ABCA12: variants seen among roughly 807,000 people sequenced by gnomAD.
ABCA12 encodes ATP binding cassette subfamily A member 12.
In ABCA12, 156 loss-of-function variants were observed where a neutral mutation model predicts 293.5. That is an observed-to-expected ratio of 0.53 (90% CI 0.47 to 0.61). The LOEUF (loss-of-function observed/expected upper bound fraction) is 0.61, where lower values mean the gene tolerates loss of function less well. ABCA12 is among the 20% of genes least tolerant of loss of function. ABCA12 has a pLI of 0.00. For synonymous variants in ABCA12, 1,063 were observed against 1,108.0 expected, an observed-to-expected ratio of 0.96 and a Z score of 0.81; for missense variants, 2,797 against 3,090.2, an observed-to-expected ratio of 0.91 and a Z score of 2.25.
At chr2:215,047,734 G>A (rs1701231468) in intron 6 of ABCA12, among the ~76,000 whole-genome samples, 1 of 152,102 alleles carries the variant, frequency 6.6e-6, no homozygotes, top group African/African-American at 2.4e-5. Context: ...GACAGCCTAG[G>A]CAACACAATT....
intron 52 of ABCA12, among the ~76,000 whole-genome samples, 199 bp from the exon 53 acceptor site, chr2:214,932,940 G>A (rs1207830554): frequency 1.3e-5 from 2 of 151,934 alleles, no homozygotes; most frequent in Admixed American, 1.3e-4. Context: ...AATTTAACTG[G>A]GGCTTGAAAA....
intron 2 of ABCA12, chr2:215,075,463 G>A (rs1469259915): frequency 1.5e-6 from 1 of 655,608 alleles, no homozygotes. Context: ...TCAGACAGGA[G>A]CGAGAGTCAA....
chr2:215,013,865 T>G (rs749777707), intron 15 of ABCA12, among the ~76,000 whole-genome samples: 1 of 152,174 alleles, frequency 6.6e-6, no homozygotes, highest in African/African-American at 2.4e-5. Context: ...ACTAACATAC[T>G]AGTGGTGCAA....
At chr2:214,968,113 T>TA (rs1699306083) in intron 38 of ABCA12, among the ~76,000 whole-genome samples, 1 of 152,112 alleles carries the variant, frequency 6.6e-6, no homozygotes, top group Non-Finnish European at 1.5e-5. Flanking sequence ...GTGCAGGTAA[T>TA]AAAGTATAGT....
rs148936264 is a variant in ABCA12 at position 214,958,318 on chromosome 2, C to T, written c.6076G>A (p.Gly2026Ser). Residue 2026 changes from glycine (G) to serine (S), a missense_variant, in exon 41 of 53, where the codon GGC becomes AGC. Gly to Ser is a moderately conservative substitution (Grantham distance 56). This residue lies in a region of ABCA12 where 2,130 missense variants were observed against 2,427.0 expected (regional missense o/e 0.88). Transcript: ENST00000272895. ...TTTGTTACCCAGTAGCATGTCACGC[C>T]AATGCCTGAAATGTGCTGCAACTGT... ...AKQLQHISGI[G>S]VTCYWVTNFI... The T allele has an allele frequency of 8.9e-5, 144 of 1,613,890 alleles. No individual in the cohort carries two copies. Among genetic ancestry groups the T allele is most frequent in the Non-Finnish European group, 1.1e-4 (128 of 1,179,894 alleles).
At position 214,937,647 on chromosome 2, in the gene ABCA12, A is replaced by G. The variant is rs377516906; in HGVS notation, c.7437-32T>C. On this transcript the variant is annotated intron_variant, in intron 50 of 52. Coordinates refer to ENST00000272895, the MANE Select transcript of ABCA12 (RefSeq NM_173076.3). ...AGAAAAAGTGCAAAATATGATATGA[A>G]TTACATTTTGCTGAAATAGCTCCTC... is the stretch of plus-strand genomic sequence containing the variant. 7.5e-5 allele frequency: 116 copies of G among 1,553,838 alleles called. 1 individual carries two copies. The African/African-American group carries it at 1.3e-3, about 17-fold the overall frequency.
In ABCA12 at chr2:215,067,591, G is replaced by A. The variant is rs903693997; in HGVS notation, c.164-3372C>T. On this transcript the variant is annotated intron_variant, in intron 2 of 52. Coordinates refer to ENST00000272895, the MANE Select transcript of ABCA12 (RefSeq NM_173076.3). Reference sequence around the variant, plus strand: ...TATTGAAGAATCTGCCAATTTCATAGGGTCGAATTCAGAAGATGTCAGCAT... The same window carrying A: ...TATTGAAGAATCTGCCAATTTCATAAGGTCGAATTCAGAAGATGTCAGCAT... Among the ~76,000 whole-genome samples, 9 of 152,086 alleles carry A rather than the reference G, an allele frequency of 5.9e-5. No individual in the cohort carries two copies. In the East Asian group the frequency reaches 1.4e-3, roughly 23 times the overall value.
intron 2 of ABCA12, among the ~76,000 whole-genome samples, chr2:215,069,192 A>T (rs1387346764): frequency 4.8e-4 from 9 of 18,678 alleles, no homozygotes; most frequent in Admixed American, 1.4e-3. Flanking sequence ...CTGACTTTTA[A>T]AAAAAAAAAT....
intron 44 of ABCA12, 56 bp downstream of exon 44, chr2:214,953,798 T>C: frequency 6.3e-7 from 1 of 1,591,456 alleles, no homozygotes; most frequent in Non-Finnish European, 8.6e-7. Context: ...TCTTTCTCAA[T>C]AGGTTGAATT....
chr2:215,074,982 T>A (rs931040890), intron 2 of ABCA12, among the ~76,000 whole-genome samples: 33 of 151,962 alleles, frequency 2.2e-4, no homozygotes, highest in African/African-American at 8.0e-4. Context: ...TAAATAAATG[T>A]ACTGGGATAG....
At position 214,989,634 on chromosome 2, in the gene ABCA12, G is replaced by A; in HGVS notation, c.3625-13C>T. 6.2e-7 allele frequency: 1 copy of A among 1,613,512 alleles called. No homozygotes were observed. Among genetic ancestry groups the A allele is most frequent in the Non-Finnish European group, 8.5e-7 (1 of 1,179,686 alleles). ...GGGACAGCAGGCTCTGTGAAGAAAG[G>A]AAACGGCAATGATAGTTCTTGTAGA... On this transcript the variant is annotated splice_polypyrimidine_tract_variant and intron_variant, in intron 24 of 52. Coordinates refer to ENST00000272895, the MANE Select transcript of ABCA12 (RefSeq NM_173076.3).
At position 215,121,513 on chromosome 2, in the gene ABCA12, C is replaced by T. The variant is rs533577325; in HGVS notation, c.70-9823G>A. ...CAAGAGGATTCCAAGGTTTACATTGCGAAGTAAGAGCTTGGTACCTAAGAC... is the reference window on the plus strand; with the variant it reads ...CAAGAGGATTCCAAGGTTTACATTGTGAAGTAAGAGCTTGGTACCTAAGAC... On this transcript the variant is annotated intron_variant, in intron 1 of 52. Coordinates refer to ENST00000272895, the MANE Select transcript of ABCA12 (RefSeq NM_173076.3). Among the ~76,000 whole-genome samples, 11 of 152,218 alleles carry T rather than the reference C, an allele frequency of 7.2e-5. No individual in the cohort carries two copies. In the South Asian group the frequency reaches 8.3e-4, roughly 11 times the overall value.
chr2:215,085,030 GT>G (rs1375421200), intron 2 of ABCA12, among the ~76,000 whole-genome samples: 1 of 145,354 alleles, frequency 6.9e-6, no homozygotes, highest in East Asian at 2.1e-4. Flanking sequence ...GGAGGCAGAG[GT>G]TGCAGTGAGC....
chr2:215,010,534 A>G (rs1700348966), intron 17 of ABCA12, 64 bp from the exon 18 acceptor site: 1 of 1,550,190 alleles, frequency 6.5e-7, no homozygotes, highest in Non-Finnish European at 8.8e-7. Flanking sequence ...TCCACATGGC[A>G]AATTGACAGA....
intron 1 of ABCA12, among the ~76,000 whole-genome samples, chr2:215,128,738 C>A (rs1438534178): frequency 1.3e-5 from 2 of 152,120 alleles, no homozygotes; most frequent in Admixed American, 1.3e-4. Flanking sequence ...ATGGGCTTCA[C>A]CTTTCTCTGG....
intron 19 of ABCA12, among the ~76,000 whole-genome samples, chr2:215,005,799 G>C (rs1700241905): frequency 6.6e-6 from 1 of 152,174 alleles, no homozygotes; most frequent in South Asian, 2.1e-4. Context: ...ACTAATCCAT[G>C]CATGTAGCAA....
chr2:215,052,082 T>A (rs757721737), intron 5 of ABCA12, among the ~76,000 whole-genome samples: 1 of 152,138 alleles, frequency 6.6e-6, no homozygotes, highest in African/African-American at 2.4e-5. Flanking sequence ...TTTTCCTACT[T>A]TGGGGCAATA....
Position 215,007,792 on chromosome 2 carries a change from T to C in ABCA12, c.2527A>G (p.Met843Val). Residue 843 changes from methionine to valine, a missense_variant, in exon 19 of 53, where the codon ATG becomes GTG. Met to Val is a conservative substitution (Grantham distance 21). Coordinates refer to ENST00000272895, the MANE Select transcript of ABCA12 (RefSeq NM_173076.3). ...TTCATGAAAAGTGGCGACTTATCCATCCACTCTTGAGATTTTTCTCTTAAT... is the reference window on the plus strand; with the variant it reads ...TTCATGAAAAGTGGCGACTTATCCACCCACTCTTGAGATTTTTCTCTTAAT... ...AELREKSQEW[M>V]DKSPLFMNSF... 2 of 1,614,066 alleles carry C rather than the reference T, an allele frequency of 1.2e-6. No individual in the cohort carries two copies. Among genetic ancestry groups the C allele is most frequent in the South Asian group, 1.1e-5 (1 of 91,078 alleles).
chr2:215,093,853 C>G (rs1442054342), intron 2 of ABCA12, among the ~76,000 whole-genome samples: 1 of 152,178 alleles, frequency 6.6e-6, no homozygotes, highest in Admixed American at 6.5e-5. Context: ...CACCTGACCC[C>G]CATGACTGTA....
Sources: gnomAD v4.1 joint callset for allele counts (sites outside exome capture counted in the v4.1 genomes callset) on GRCh38, gnomAD v4.1.1 for gene constraint, gnomAD v4.1.1 regional missense constraint, MANE v1.5 for transcripts, NCBI Gene and HGNC (gene_info 2026-07-23, HGNC 2026-07-21) for gene names.